TNFSF4: variants seen among roughly 807,000 people sequenced by gnomAD.
TNFSF4 encodes the protein TNF superfamily member 4, also known as tumor necrosis factor ligand superfamily member 4.
In TNFSF4, 4 loss-of-function variants were observed where a neutral mutation model predicts 7.3. That is an observed-to-expected ratio of 0.55 (90% confidence interval 0.27 to 1.25). The LOEUF is 1.25. Ranked by LOEUF, TNFSF4 falls within the 50% of genes most tolerant of loss-of-function variation. The probability of loss-of-function intolerance (pLI) is 0.12; values close to 1 mark genes in which losing one functional copy is unlikely to be tolerated. For missense variants in TNFSF4, 181 were observed against 208.8 expected (o/e 0.87, Z 0.82); for synonymous variants, 76 against 83.7 (o/e 0.91, Z 0.50).
At chr1:173,181,445 C>T (rs923440538), downstream of TNFSF4, among the ~76,000 whole-genome samples, 3 of 152,140 alleles carry the variant, frequency 2.0e-5, no homozygotes, top group African/African-American at 4.8e-5. Flanking sequence ...TCTGTGTTTC[C>T]GCTCCTAACA....
At chr1:173,322,759 G>A in the TNFSF4 span, among the ~76,000 whole-genome samples, 30 of 152,174 alleles carry the variant, frequency 2.0e-4, no homozygotes, top group Non-Finnish European at 3.1e-4. Flanking sequence ...TGGCTCGGAG[G>A]GTCCTACACC....
At chr1:173,231,675 C>T in the TNFSF4 span, among the ~76,000 whole-genome samples, 1 of 152,110 alleles carries the variant, frequency 6.6e-6, no homozygotes, top group Admixed American at 6.5e-5. Flanking sequence ...GTCAAATTGT[C>T]CCTCTTTGCC....
chr1:173,393,959 A>G, the TNFSF4 span, among the ~76,000 whole-genome samples: 1 of 152,344 alleles, frequency 6.6e-6, no homozygotes, highest in African/African-American at 2.4e-5. Flanking sequence ...ACAAAGAAAA[A>G]AAGTTTTATT....
the TNFSF4 span, chr1:173,363,362 T>C: frequency 2.8e-5 from 9 of 317,514 alleles, 1 homozygote; most frequent in South Asian, 3.0e-4. Context: ...AACTGAGATA[T>C]CAGTTCTTGA....
the TNFSF4 span, among the ~76,000 whole-genome samples, chr1:173,410,803 T>C: frequency 2.6e-5 from 4 of 152,222 alleles, no homozygotes; most frequent in African/African-American, 9.6e-5. Flanking sequence ...CTCCTTGGAC[T>C]GAACTTTGGC....
At chr1:173,414,843 T>TC in the TNFSF4 span, among the ~76,000 whole-genome samples, 1 of 152,228 alleles carries the variant, frequency 6.6e-6, no homozygotes, top group East Asian at 1.9e-4. Flanking sequence ...CTCATATGAC[T>TC]TTGTGAGTGC....
At chr1:173,395,021 TAGATAGATAGATAGATGATAGATAGATA>T in the TNFSF4 span, among the ~76,000 whole-genome samples, 3 of 130,342 alleles carry the variant, frequency 2.3e-5, no homozygotes, top group African/African-American at 8.4e-5. Flanking sequence ...GATAGATAGA[TAGATAGATAGATAGATGATAGATAGATA>T]GATAGATAGA....
chr1:173,333,121 A>G, the TNFSF4 span, among the ~76,000 whole-genome samples: 1 of 152,208 alleles, frequency 6.6e-6, no homozygotes, highest in Admixed American at 6.5e-5. Context: ...AAGGGGCAAC[A>G]AAGGAAGGGT....
the TNFSF4 span, among the ~76,000 whole-genome samples, chr1:173,378,690 TTCA>T: frequency 6.6e-6 from 1 of 152,270 alleles, no homozygotes; most frequent in East Asian, 1.9e-4. Context: ...AAGCTTTCTT[TTCA>T]TCGAGGGAGA....
chr1:173,443,007 T>G, the TNFSF4 span, among the ~76,000 whole-genome samples: 5 of 152,298 alleles, frequency 3.3e-5, no homozygotes, highest in Admixed American at 3.3e-4. Flanking sequence ...AACATTTATA[T>G]TTCAGAATAT....
chr1:173,436,926 G>A, the TNFSF4 span, among the ~76,000 whole-genome samples: 1 of 152,328 alleles, frequency 6.6e-6, no homozygotes, highest in East Asian at 1.9e-4. Context: ...TTGGCTACCG[G>A]GAGGTGATCT....
At chr1:173,320,118 A>G in the TNFSF4 span, among the ~76,000 whole-genome samples, 3 of 152,238 alleles carry the variant, frequency 2.0e-5, no homozygotes, top group Non-Finnish European at 4.4e-5. Flanking sequence ...GCAGTACATC[A>G]AAAAGCTTAT....
the TNFSF4 span, among the ~76,000 whole-genome samples, chr1:173,242,107 A>G: frequency 9.2e-5 from 14 of 152,328 alleles, no homozygotes; most frequent in Non-Finnish European, 1.8e-4. Flanking sequence ...TTGACTTGAA[A>G]TATATGGAAG....
the TNFSF4 span, among the ~76,000 whole-genome samples, chr1:173,301,068 C>T: frequency 6.6e-6 from 1 of 151,860 alleles, no homozygotes; most frequent in Non-Finnish European, 1.5e-5. Context: ...TTCTTTATGC[C>T]TAAGTCTATT....
chr1:173,204,273 C>G (rs1295011293), intron 1 of TNFSF4, among the ~76,000 whole-genome samples: 2 of 152,146 alleles, frequency 1.3e-5, no homozygotes, highest in Non-Finnish European at 2.9e-5. Flanking sequence ...TCTTATTGAT[C>G]ATTTGATCCT....
chr1:173,376,188 G>T, the TNFSF4 span, among the ~76,000 whole-genome samples: 3,741 of 152,252 alleles, frequency 0.025, 175 homozygotes, highest in African/African-American at 0.086. Context: ...CAAAGACTTG[G>T]AACCAACCCA....
At chr1:173,437,811 G>A in the TNFSF4 span, among the ~76,000 whole-genome samples, 20 of 152,126 alleles carry the variant, frequency 1.3e-4, no homozygotes, top group African/African-American at 4.8e-4. Flanking sequence ...ATATCCCATT[G>A]CAAACATTTT....
the TNFSF4 span, among the ~76,000 whole-genome samples, chr1:173,414,997 A>T: frequency 6.6e-6 from 1 of 152,132 alleles, no homozygotes; most frequent in Non-Finnish European, 1.5e-5. Flanking sequence ...CACCCTCAAC[A>T]TCCAATCAAG....
chr1:173,293,965 C>G, the TNFSF4 span, among the ~76,000 whole-genome samples: 1 of 151,444 alleles, frequency 6.6e-6, no homozygotes, highest in African/African-American at 2.4e-5. Flanking sequence ...CAGATGTTGA[C>G]AAGGTTATGG....
Sources: allele counts gnomAD v4.1 joint callset (sites outside exome capture counted in the v4.1 genomes callset), GRCh38; gene constraint gnomAD v4.1.1; transcripts MANE v1.5; gene names NCBI Gene and HGNC (gene_info 2026-07-23, HGNC 2026-07-21).